Variants in PPP1R15B observed in about 807,000 individuals in gnomAD.
The protein encoded by PPP1R15B is protein phosphatase 1 regulatory subunit 15B, also known as protein phosphatase 1, regulatory (inhibitor) subunit 15B.
A neutral mutation model predicts 53.9 loss-of-function variants in PPP1R15B; 31 were observed. That is an observed-to-expected ratio of 0.58 (90% CI 0.43 to 0.78). The LOEUF (loss-of-function observed/expected upper bound fraction) is 0.78, where lower values mean the gene tolerates loss of function less well. PPP1R15B is among the 30% of genes least tolerant of loss of function. The pLI, the probability that PPP1R15B is intolerant of heterozygous loss-of-function variation, is 0.00. For synonymous variants in PPP1R15B, 345 were observed against 329.1 expected (o/e 1.05, Z -0.52); for missense variants, 928 against 849.6 (o/e 1.09, Z -1.15).
At chr1:204,406,593 T>C (rs1674268214) in intron 1 of PPP1R15B, among the ~76,000 whole-genome samples, 1 of 151,778 alleles carries the variant, frequency 6.6e-6, no homozygotes, top group Non-Finnish European at 1.5e-5. Flanking sequence ...CTAGTAAAAA[T>C]ACGAAAAAAT....
rs1674230366 is a variant in PPP1R15B, at chr1:204,404,446, C to G, written c.*1646G>C. On this transcript the variant is annotated 3_prime_UTR_variant, in exon 2 of 2. Transcript: ENST00000367188. ...GTTGCAGTGAGCCGAGATCGCGCCA[C>G]TGCACTCCAAGCTGGGGGACCGAAC... The G allele has an allele frequency of 1.3e-6, 1 of 791,598 alleles. No individual in the cohort carries two copies. The highest frequency in any genetic ancestry group is 1.9e-5 in the African/African-American group (1 of 53,044). 49.0% of individuals were successfully genotyped at this position (791,598 alleles called of 1,614,324 possible).
chr1:204,408,971 T>C (rs573579087), intron 1 of PPP1R15B, among the ~76,000 whole-genome samples: 2 of 152,316 alleles, frequency 1.3e-5, no homozygotes, highest in African/African-American at 2.4e-5. Flanking sequence ...TCATGGCCAA[T>C]TGGACCAGAT....
At position 204,410,894 on chromosome 1, in the gene PPP1R15B, G is replaced by A. The variant is rs139658600; in HGVS notation, c.518C>T (p.Ala173Val). 4.2e-5 allele frequency: 67 copies of A among 1,614,108 alleles called. No individual in the cohort carries two copies. The African/African-American group carries it at 7.9e-4, about 19-fold the overall frequency. Residue 173 changes from alanine (A) to valine (V), a missense_variant, in exon 1 of 2, where the codon GCT becomes GTT. Transcript: ENST00000367188. ...CCACAGCTGCTGCTCTAAGAGAAAA[G>A]CCTGTGCTGCAGGGTCCAAAGCACT... The part of the protein sequence containing the change: ...KGSALDPAAQ[A>V]FLLEQQLWGV...
At chr1:204,406,642 C>T (rs952590230) in intron 1 of PPP1R15B, among the ~76,000 whole-genome samples, 3 of 151,908 alleles carry the variant, frequency 2.0e-5, no homozygotes, top group African/African-American at 7.3e-5. Context: ...ATCCCAGCTA[C>T]GCAGGAGGCT....
intron 1 of PPP1R15B, 85 bp from the exon 2 acceptor site, chr1:204,406,398 T>G: frequency 6.8e-7 from 1 of 1,467,672 alleles, no homozygotes; most frequent in Non-Finnish European, 9.2e-7. Flanking sequence ...CTACCAATTC[T>G]TTCAGAATAT....
chr1:204,398,348 G>A (rs1351361411), downstream of PPP1R15B, among the ~76,000 whole-genome samples: 2 of 152,128 alleles, frequency 1.3e-5, no homozygotes, highest in African/African-American at 2.4e-5. Context: ...AGGCAATGTG[G>A]TGCATGCCTG....
Position 204,411,197 on chromosome 1 carries a change from G to C in PPP1R15B, c.215C>G (p.Ala72Gly), listed in dbSNP as rs141363384. The change falls in exon 1 of 2, where the codon GCG (alanine) becomes GGG (glycine). Residue 72 changes from alanine to glycine, a missense_variant. Physicochemically the swap from Ala to Gly is moderately conservative, Grantham distance 60. Coordinates refer to ENST00000367188, the MANE Select transcript of PPP1R15B (RefSeq NM_032833.5). ...CTTCTGAAGCAATCCGGGGAGCGGC[G>C]CAAGGAGCTGGGAGAGCAGTTTCGT... Reference protein sequence around the residue: ...YWTKLLSQLLAPLPGLLQKVL... With the variant: ...YWTKLLSQLLGPLPGLLQKVL... 2.5e-6 allele frequency: 4 copies of C among 1,614,214 alleles called. No individual in the cohort carries two copies. The highest frequency in any genetic ancestry group is 3.4e-6 in the Non-Finnish European group (4 of 1,180,038).
At chr1:204,406,628 T>C (rs1028131198) in intron 1 of PPP1R15B, among the ~76,000 whole-genome samples, 2 of 152,090 alleles carry the variant, frequency 1.3e-5, no homozygotes, top group Non-Finnish European at 2.9e-5. Context: ...GGCACATGCC[T>C]GTAATCCCAG....
rs770368076 is a variant in PPP1R15B, at chr1:204,411,042, A to T, written c.370T>A (p.Leu124Met). Residue 124 changes from leucine to methionine, a missense_variant, in exon 1 of 2, where the codon TTG (leucine) becomes ATG (methionine). By Grantham distance (15) the Leu-to-Met change is conservative. Coordinates refer to ENST00000367188, the MANE Select transcript of PPP1R15B (RefSeq NM_032833.5). ...GAGGAGTCGAGCTGCAGCGAACTCAAAGATTTCTGCGCTGTGGGGGCGGCT... is the reference window on the plus strand; with the variant it reads ...GAGGAGTCGAGCTGCAGCGAACTCATAGATTTCTGCGCTGTGGGGGCGGCT... ...KPAAPTAQKS[L>M]SSLQLDSSDP... The T allele has an allele frequency of 2.5e-6, 4 of 1,614,042 alleles. No homozygotes were observed. Among genetic ancestry groups the T allele is most frequent in the Non-Finnish European group, 3.4e-6 (4 of 1,180,024 alleles).
chr1:204,402,064 G>C (rs934658394), downstream of PPP1R15B, among the ~76,000 whole-genome samples: 1 of 152,142 alleles, frequency 6.6e-6, no homozygotes, highest in South Asian at 2.1e-4. Context: ...TGTAAATGTA[G>C]CCATTTTCAC....
At chr1:204,402,344 T>G (rs1199625398), downstream of PPP1R15B, among the ~76,000 whole-genome samples, 9 of 152,278 alleles carry the variant, frequency 5.9e-5, no homozygotes, top group African/African-American at 1.9e-4. Flanking sequence ...AGTAAAAATT[T>G]TTTTCTGATA....
At chr1:204,401,330 G>GTC (rs1674175967), downstream of PPP1R15B, among the ~76,000 whole-genome samples, 1 of 152,200 alleles carries the variant, frequency 6.6e-6, no homozygotes, top group African/African-American at 2.4e-5. Context: ...ACAGACTTAA[G>GTC]TCTCGCTGGA....
chr1:204,400,659 T>G, downstream of PPP1R15B: 1 of 658,574 alleles, frequency 1.5e-6, no homozygotes, highest in Non-Finnish European at 1.9e-6. Flanking sequence ...TTACCCAACA[T>G]TTTAGTGGGA....
downstream of PPP1R15B, among the ~76,000 whole-genome samples, chr1:204,398,258 T>C (rs749379098): frequency 1.8e-4 from 27 of 152,280 alleles, no homozygotes; most frequent in Non-Finnish European, 3.5e-4. Context: ...CAGTAGGATC[T>C]CTTGAAGCCA....
downstream of PPP1R15B, among the ~76,000 whole-genome samples, chr1:204,401,529 T>C (rs149378853): frequency 3.7e-3 from 570 of 152,346 alleles, 2 homozygotes; most frequent in Middle Eastern, 6.8e-3. Context: ...TTTTTTAATG[T>C]ACCAAAAATG....
chr1:204,404,774 A>C lies in PPP1R15B; in HGVS notation c.*1318T>G. 2 of 985,864 alleles carry C rather than the reference A, an allele frequency of 2.0e-6. No individual in the cohort carries two copies. The highest frequency in any genetic ancestry group is 1.2e-6 in the Non-Finnish European group (1 of 829,922). 61.1% of individuals were successfully genotyped at this position (985,864 alleles called of 1,614,324 possible). On this transcript the variant is annotated 3_prime_UTR_variant, in exon 2 of 2. Transcript: ENST00000367188. ...ATTACCTGTGACAGGAAGCACACGGAATGAAAGCAGACCACGGAAGGGTTA... is the reference window on the plus strand; with the variant it reads ...ATTACCTGTGACAGGAAGCACACGGCATGAAAGCAGACCACGGAAGGGTTA...
rs1048099050 is a variant in PPP1R15B, at chr1:204,405,470, C to T, written c.*622G>A. 1.0e-6 allele frequency: 1 copy of T among 983,228 alleles called. No individual in the cohort carries two copies. Among genetic ancestry groups the T allele is most frequent in the African/African-American group, 1.8e-5 (1 of 57,018 alleles). The allele number at this position is 983,228 out of a possible 1,614,324, so 60.9% of individuals were successfully genotyped here. On this transcript the variant is annotated 3_prime_UTR_variant, in exon 2 of 2. Coordinates refer to ENST00000367188, the MANE Select transcript of PPP1R15B (RefSeq NM_032833.5). ...GTCCTTGGAAATATCCTAGGTAGAA[C>T]TTAATGTAGAAATAAAAAGGCTACC...
chr1:204,411,398 G>C lies in PPP1R15B; in HGVS notation c.14C>G (p.Thr5Arg). The C allele has an allele frequency of 3.1e-6, 5 of 1,612,262 alleles. No homozygotes were observed. The highest frequency in any genetic ancestry group is 4.2e-6 in the Non-Finnish European group (5 of 1,179,882). Residue 5 changes from threonine to arginine, a missense_variant, in exon 1 of 2, where the codon ACA becomes AGA. By Grantham distance (71) the Thr-to-Arg change is moderately conservative. Coordinates refer to ENST00000367188, the MANE Select transcript of PPP1R15B (RefSeq NM_032833.5). MEPG[T>R]GGSRKRLGPR... Reference sequence around the variant, plus strand: ...GCCAAGCCGTTTCCGCGATCCGCCTGTCCCCGGCTCCATCTCCTTTTTCTT... The same window carrying C: ...GCCAAGCCGTTTCCGCGATCCGCCTCTCCCCGGCTCCATCTCCTTTTTCTT...
At chr1:204,407,746 G>T (rs185429754) in intron 1 of PPP1R15B, among the ~76,000 whole-genome samples, 1 of 152,168 alleles carries the variant, frequency 6.6e-6, no homozygotes, top group East Asian at 1.9e-4. Flanking sequence ...TTAACCCTAT[G>T]AGGTATGGAC....
Sources: gnomAD v4.1 joint callset for allele counts (sites outside exome capture counted in the v4.1 genomes callset) on GRCh38, gnomAD v4.1.1 for gene constraint, MANE v1.5 for transcripts, NCBI Gene and HGNC (gene_info 2026-07-23, HGNC 2026-07-21) for gene names.